The following TRIM36 variants were observed in gnomAD, a reference collection of about 807,000 sequenced individuals.
The protein encoded by TRIM36 is tripartite motif containing 36, also known as E3 ubiquitin-protein ligase TRIM36.
In TRIM36, 42 loss-of-function variants were observed where a neutral mutation model predicts 72.4. The ratio of observed to expected loss-of-function variants is 0.58; its 90% CI spans 0.45 to 0.75. The LOEUF (loss-of-function observed/expected upper bound fraction) is 0.75, where lower values mean the gene tolerates loss of function less well. TRIM36 is among the 30% of genes least tolerant of loss of function. The pLI, the probability that TRIM36 is intolerant of heterozygous loss-of-function variation, is 0.00. For missense variants in TRIM36, 913 were observed against 857.1 expected (o/e 1.07, Z -0.81); for synonymous variants, 315 against 282.8 (o/e 1.11, Z -1.14).
chr5:115,154,784 G>C (rs1210800513), intron 2 of TRIM36, among the ~76,000 whole-genome samples: 1 of 152,124 alleles, frequency 6.6e-6, no homozygotes, highest in Non-Finnish European at 1.5e-5. Context: ...TAATCATATT[G>C]ACACTATTCC....
intron 2 of TRIM36, among the ~76,000 whole-genome samples, chr5:115,162,742 G>A (rs1041800555): frequency 6.6e-6 from 1 of 152,024 alleles, no homozygotes; most frequent in African/African-American, 2.4e-5. Context: ...CTGATTTCAA[G>A]GGATGCTGTC....
intron 1 of TRIM36, chr5:115,177,471 A>G (rs1755387746): frequency 1.7e-6 from 2 of 1,168,370 alleles, no homozygotes; most frequent in Non-Finnish European, 2.2e-6. Flanking sequence ...TCTTTACATT[A>G]CAAACCCGAA....
intron 8 of TRIM36, 83 bp from the exon 9 acceptor site, chr5:115,130,972 T>C (rs1409704645): frequency 6.9e-7 from 1 of 1,451,140 alleles, no homozygotes; most frequent in Admixed American, 2.2e-5. Flanking sequence ...CTTACAGAAA[T>C]TACTGAAGAG....
intron 8 of TRIM36, among the ~76,000 whole-genome samples, chr5:115,131,501 A>AT (rs1752674957): frequency 6.6e-6 from 1 of 152,202 alleles, no homozygotes; most frequent in Non-Finnish European, 1.5e-5. Context: ...TACCACTCCC[A>AT]TAAGTCTGTA....
intron 1 of TRIM36, chr5:115,177,989 TGA>T: frequency 9.3e-7 from 1 of 1,074,884 alleles, no homozygotes; most frequent in South Asian, 1.5e-5. Flanking sequence ...ATTGGTATTC[TGA>T]GAGGGTTTTG....
upstream of TRIM36, chr5:115,180,274 G>A (rs536173133): frequency 3.9e-5 from 17 of 440,110 alleles, no homozygotes; most frequent in South Asian, 5.3e-4. Context: ...CAGCGGTCGG[G>A]GCTGCGCGAT....
At chr5:115,170,140 C>A (rs1233107398), upstream of TRIM36, among the ~76,000 whole-genome samples, 1 of 151,894 alleles carries the variant, frequency 6.6e-6, no homozygotes, top group Non-Finnish European at 1.5e-5. Flanking sequence ...TACGCATCAG[C>A]CCCTCCCTCC....
chr5:115,164,601 A>G (rs1392726346), intron 1 of TRIM36, among the ~76,000 whole-genome samples: 1 of 152,190 alleles, frequency 6.6e-6, no homozygotes, highest in Non-Finnish European at 1.5e-5. Context: ...CAGCATGGGG[A>G]AAATCTACCC....
chr5:115,150,974 G>C (rs1753860361), intron 2 of TRIM36, among the ~76,000 whole-genome samples: 1 of 152,226 alleles, frequency 6.6e-6, no homozygotes, highest in Non-Finnish European at 1.5e-5. Context: ...AGGCCACAGG[G>C]AGAAGGAAAC....
intron 2 of TRIM36, among the ~76,000 whole-genome samples, chr5:115,151,119 C>A (rs774183530): frequency 6.6e-6 from 1 of 152,120 alleles, no homozygotes; most frequent in South Asian, 2.1e-4. Flanking sequence ...AGCTGGGAGG[C>A]GGGTAGACTG....
At chr5:115,169,486 C>T (rs2126946144) in intron 1 of TRIM36, 122 bp downstream of exon 1, 2 of 1,113,912 alleles carry the variant, frequency 1.8e-6, no homozygotes, top group Non-Finnish European at 2.5e-6. Context: ...GCGGGATCCC[C>T]ACACGCCTGC....
intron 7 of TRIM36, among the ~76,000 whole-genome samples, chr5:115,135,481 A>C (rs1175090407): frequency 6.8e-6 from 1 of 147,828 alleles, no homozygotes; most frequent in Non-Finnish European, 1.5e-5. Flanking sequence ...TAGCTTACTA[A>C]AAAAAAAAAA....
chr5:115,133,155 G>A (rs1314296195), intron 8 of TRIM36, among the ~76,000 whole-genome samples: 5 of 152,280 alleles, frequency 3.3e-5, no homozygotes, highest in African/African-American at 1.2e-4. Context: ...AGGGGAAAAC[G>A]TTTTCCTGCT....
rs757945352 is a variant in TRIM36 at position 115,163,522 on chromosome 5, T to C, written c.258A>G (p.Arg86=). 6.2e-7 allele frequency: 1 copy of C among 1,613,900 alleles called. No homozygotes were observed. Among genetic ancestry groups the C allele is most frequent in the Non-Finnish European group, 8.5e-7 (1 of 1,179,776 alleles). The stretch of plus-strand genomic sequence containing the variant: ...GCCCACAGTTCTAACACATACCTGG[T>C]CTGTTAATTCGGTCAATTTTATCCA... The part of the protein sequence containing the change: ...PSMDKIDRIN[R]PGWKRNSLTP... Residue 86 remains arginine (R), a synonymous_variant, in exon 2 of 10, where the codon AGA becomes AGG. Transcript: ENST00000513154.
intron 9 of TRIM36, among the ~76,000 whole-genome samples, chr5:115,128,645 G>A (rs1270556118): frequency 3.4e-5 from 5 of 147,912 alleles, no homozygotes; most frequent in Admixed American, 6.7e-5. Context: ...CCAGCTACTC[G>A]GGAGGCTGAG....
chr5:115,157,286 G>A (rs1462491109), intron 2 of TRIM36, among the ~76,000 whole-genome samples: 1 of 152,114 alleles, frequency 6.6e-6, no homozygotes. Flanking sequence ...GTAGAGGCCA[G>A]GCACAGTGGC....
chr5:115,135,419 A>C (rs927570245), intron 7 of TRIM36, among the ~76,000 whole-genome samples: 2 of 152,168 alleles, frequency 1.3e-5, no homozygotes, highest in African/African-American at 2.4e-5. Context: ...TTACAGATTA[A>C]CAAATAGTAT....
Position 115,137,612 on chromosome 5 carries a change from T to A in TRIM36, c.836A>T (p.Asn279Ile). The A allele has an allele frequency of 6.3e-7, 1 of 1,591,638 alleles. No homozygotes were observed. The highest frequency in any genetic ancestry group is 1.8e-5 in the Admixed American group (1 of 55,722). ...LNLLMKETEC[N>I]GERAKEEAIT... ...TGCTTCTTCTTTAGCCCTCTCTCCA[T>A]TACACTAAGAAAAAACAGTATCTCC... Residue 279 changes from asparagine (N) to isoleucine (I), a missense_variant, in exon 6 of 10, where the codon AAT becomes ATT. Physicochemically the swap from Asn to Ile is moderately radical, Grantham distance 149. Coordinates refer to ENST00000513154, the MANE Select transcript of TRIM36 (RefSeq NM_001300759.2).
In TRIM36 at chr5:115,126,624, T is replaced by A. The variant is rs1227198471; in HGVS notation, c.2030A>T (p.Tyr677Phe). Residue 677 changes from tyrosine to phenylalanine, a missense_variant, in exon 10 of 10, where the codon TAT becomes TTT. By Grantham distance (22) the Tyr-to-Phe change is conservative. Coordinates refer to ENST00000513154, the MANE Select transcript of TRIM36 (RefSeq NM_001300759.2). ...ATGTGAACAGTCCACTTGGCGTTCA[T>A]AAAGGCATTTCATCTGATCCATATC... ...FYDMDQMKCLYERQVDCSHTL... is the reference protein window; with the variant it reads ...FYDMDQMKCLFERQVDCSHTL... The A allele has an allele frequency of 1.9e-6, 3 of 1,614,178 alleles. No individual in the cohort carries two copies. Among genetic ancestry groups the A allele is most frequent in the Admixed American group, 1.7e-5 (1 of 60,028 alleles).
Sources: gnomAD v4.1 joint callset for allele counts (sites outside exome capture counted in the v4.1 genomes callset) on GRCh38, gnomAD v4.1.1 for gene constraint, MANE v1.5 for transcripts, NCBI Gene and HGNC (gene_info 2026-07-23, HGNC 2026-07-21) for gene names.